ZBTB20: variants seen among roughly 807,000 people sequenced by gnomAD.
ZBTB20 encodes zinc finger and BTB domain containing 20, also known as zinc finger and BTB domain-containing protein 20.
Under a neutral mutation model 56.9 loss-of-function variants are expected in ZBTB20, and 9 were observed. The observed-to-expected ratio is 0.16, with a 90% CI of 0.10 to 0.28. The LOEUF (loss-of-function observed/expected upper bound fraction) is 0.28, where lower values mean the gene tolerates loss of function less well. Among genes scored for constraint, ZBTB20 ranks in the 10% least tolerant of loss-of-function variants. ZBTB20 has a pLI of 1.00. For synonymous variants in ZBTB20, 417 were observed against 420.7 expected, an observed-to-expected ratio of 0.99 and a Z score of 0.11; for missense variants, 655 against 1,003.0, an observed-to-expected ratio of 0.65 and a Z score of 4.69.
intron 5 of ZBTB20, among the ~76,000 whole-genome samples, chr3:114,783,750 G>A (rs905716524): frequency 1.4e-5 from 2 of 144,798 alleles, no homozygotes; most frequent in Non-Finnish European, 3.0e-5. Flanking sequence ...CTGAGATCGC[G>A]CCACTGCACT....
intron 4 of ZBTB20, among the ~76,000 whole-genome samples, chr3:114,860,572 T>C (rs1254020119): frequency 6.6e-6 from 1 of 152,224 alleles, no homozygotes; most frequent in East Asian, 1.9e-4. Context: ...TCATACTCAA[T>C]GCATCTTACA....
intron 4 of ZBTB20, among the ~76,000 whole-genome samples, chr3:114,853,660 T>G (rs536718080): frequency 1.3e-5 from 2 of 152,330 alleles, no homozygotes; most frequent in South Asian, 4.1e-4. Context: ...ATATTTCCCC[T>G]CATAAGCATA....
At chr3:114,470,386 T>C (rs2039989948) in intron 7 of ZBTB20, among the ~76,000 whole-genome samples, 1 of 152,178 alleles carries the variant, frequency 6.6e-6, no homozygotes, top group Admixed American at 6.5e-5. Flanking sequence ...AAAATGTTTA[T>C]TTCCATGTTT....
chr3:114,475,735 T>G (rs2040678192), intron 7 of ZBTB20, among the ~76,000 whole-genome samples: 1 of 152,150 alleles, frequency 6.6e-6, no homozygotes. Flanking sequence ...AAGGACCAAA[T>G]GGTTAATTGA....
At chr3:115,032,473 G>A (rs1318605962) in intron 2 of ZBTB20, among the ~76,000 whole-genome samples, 2 of 151,322 alleles carry the variant, frequency 1.3e-5, no homozygotes, top group African/African-American at 4.8e-5. Flanking sequence ...AGAAATGGGG[G>A]TTTGTGAGGT....
intron 6 of ZBTB20, among the ~76,000 whole-genome samples, chr3:114,511,530 A>G (rs1178410132): frequency 6.6e-6 from 1 of 152,150 alleles, no homozygotes; most frequent in Non-Finnish European, 1.5e-5. Context: ...GTTAGAGATC[A>G]TATATGTCTT....
chr3:114,792,615 A>G (rs72956234), intron 5 of ZBTB20, among the ~76,000 whole-genome samples: 17,752 of 152,124 alleles, frequency 0.12, 1,539 homozygotes, highest in African/African-American at 0.24. Context: ...TACTTGTTCA[A>G]GTGTGTCAGT....
chr3:114,841,682 A>G (rs544222533), intron 4 of ZBTB20, among the ~76,000 whole-genome samples: 1 of 152,304 alleles, frequency 6.6e-6, no homozygotes, highest in Admixed American at 6.5e-5. Context: ...ATGTAGCAAT[A>G]CTGGAGGTGA....
intron 6 of ZBTB20, among the ~76,000 whole-genome samples, chr3:114,501,860 C>T (rs2044029429): frequency 6.6e-6 from 1 of 151,440 alleles, no homozygotes; most frequent in African/African-American, 2.4e-5. Flanking sequence ...AGGCACGCAC[C>T]ACCACACCCA....
Position 114,320,203 on chromosome 3 carries a change from T to C in ZBTB20, c.*18802A>G, listed in dbSNP as rs1221303791. 6.6e-6 allele frequency: 1 copy of C among 152,206 alleles called. No homozygotes were observed. The highest frequency in any genetic ancestry group is 1.9e-4 in the East Asian group (1 of 5,202). 9.4% of individuals were successfully genotyped at this position (152,206 alleles called of 1,614,324 possible). On this transcript the variant is annotated 3_prime_UTR_variant, in exon 12 of 12. Transcript: ENST00000675478. ...ATTCAGTACAAATATATTTTTTTCA[T>C]AGCTGTTTTCCCCTGTTGCTTATTT...
At chr3:114,780,447 T>C (rs2069995065) in intron 5 of ZBTB20, among the ~76,000 whole-genome samples, 1 of 152,214 alleles carries the variant, frequency 6.6e-6, no homozygotes, top group Non-Finnish European at 1.5e-5. Context: ...ATCCATGTCA[T>C]TGCTAGAGAC....
chr3:114,486,140 G>GGGC (rs1553726977), intron 7 of ZBTB20, among the ~76,000 whole-genome samples: 2 of 120,758 alleles, frequency 1.7e-5, no homozygotes, highest in East Asian at 2.5e-4. Context: ...GTGTGTGTGG[G>GGGC]GGGGGGGGGC....
chr3:114,634,254 C>A (rs193083201), intron 6 of ZBTB20, among the ~76,000 whole-genome samples: 35 of 152,228 alleles, frequency 2.3e-4, no homozygotes, highest in Non-Finnish European at 4.1e-4. Context: ...GAAAATATAT[C>A]ACTGAATTAA....
intron 3 of ZBTB20, among the ~76,000 whole-genome samples, chr3:114,902,279 C>A (rs2075149839): frequency 6.6e-6 from 1 of 152,198 alleles, no homozygotes; most frequent in South Asian, 2.1e-4. Context: ...CCTAGCACAG[C>A]CTAACTTATT....
At chr3:114,826,535 TAAAAAC>T (rs1339912755) in intron 4 of ZBTB20, among the ~76,000 whole-genome samples, 1 of 151,786 alleles carries the variant, frequency 6.6e-6, no homozygotes, top group African/African-American at 2.4e-5. Context: ...TAGGTACTAA[TAAAAAC>T]AGAAACAATT....
intron 6 of ZBTB20, among the ~76,000 whole-genome samples, chr3:114,606,607 A>C (rs527559175): frequency 6.6e-6 from 1 of 152,244 alleles, no homozygotes; most frequent in African/African-American, 2.4e-5. Flanking sequence ...GTGTGTATTT[A>C]TACTGAAGAC....
At chr3:114,570,979 T>G (rs1169222989) in intron 6 of ZBTB20, among the ~76,000 whole-genome samples, 1 of 152,204 alleles carries the variant, frequency 6.6e-6, no homozygotes, top group African/African-American at 2.4e-5. Flanking sequence ...CTCTGTGCTG[T>G]TTTTCATTTT....
chr3:114,989,951 T>TTG (rs2078727589), intron 2 of ZBTB20, among the ~76,000 whole-genome samples: 1 of 152,178 alleles, frequency 6.6e-6, no homozygotes, highest in Admixed American at 6.5e-5. Flanking sequence ...CACATTGATT[T>TTG]TGTATCCTGA....
At chr3:114,681,158 ATT>A (rs10576152) in intron 6 of ZBTB20, among the ~76,000 whole-genome samples, 9,513 of 121,108 alleles carry the variant, frequency 0.079, 426 homozygotes, top group Admixed American at 0.16. Flanking sequence ...TGAGCGTATA[ATT>A]TTTTTTTTTT....
Sources: allele counts gnomAD v4.1 joint callset (sites outside exome capture counted in the v4.1 genomes callset), GRCh38; gene constraint gnomAD v4.1.1; transcripts MANE v1.5; gene names NCBI Gene and HGNC (gene_info 2026-07-23, HGNC 2026-07-21).